Variants in CDYL2 observed in about 807,000 individuals in gnomAD.
CDYL2 encodes the protein chromodomain Y like 2.
CDYL2 carries 23 observed loss-of-function variants against 49.4 expected under a neutral mutation model. That is an observed-to-expected ratio of 0.47 (90% CI 0.34 to 0.66). The LOEUF is 0.66. CDYL2 is among the 30% of genes least tolerant of loss of function. The probability of loss-of-function intolerance (pLI) is 0.01; values close to 1 mark genes in which losing one functional copy is unlikely to be tolerated. For synonymous variants in CDYL2, 360 were observed against 268.8 expected, an observed-to-expected ratio of 1.34 and a Z score of -3.32; for missense variants, 678 against 656.4, an observed-to-expected ratio of 1.03 and a Z score of -0.36.
chr16:80,669,824 G>C (rs1035581972), intron 2 of CDYL2, among the ~76,000 whole-genome samples: 5 of 152,180 alleles, frequency 3.3e-5, no homozygotes, highest in African/African-American at 9.7e-5. Context: ...TGCACACATG[G>C]GCTGTGGTGA....
intron 1 of CDYL2, among the ~76,000 whole-genome samples, chr16:80,717,073 G>T (rs1904833332): frequency 6.6e-6 from 1 of 150,478 alleles, no homozygotes; most frequent in Non-Finnish European, 1.5e-5. Context: ...TGATTAAATG[G>T]ATAAATGGAT....
chr16:80,606,830 T>C (rs1195084570), intron 6 of CDYL2, among the ~76,000 whole-genome samples: 1 of 151,550 alleles, frequency 6.6e-6, no homozygotes, highest in Non-Finnish European at 1.5e-5. Context: ...ATAAGGGGTT[T>C]CCCCTTTCAC....
chr16:80,702,444 G>A (rs914741713), intron 1 of CDYL2, among the ~76,000 whole-genome samples: 1 of 152,088 alleles, frequency 6.6e-6, no homozygotes, highest in African/African-American at 2.4e-5. Flanking sequence ...AAGATCTCAG[G>A]AATATCATTA....
At chr16:80,640,756 A>C (rs1597142365) in intron 2 of CDYL2, among the ~76,000 whole-genome samples, 1 of 152,188 alleles carries the variant, frequency 6.6e-6, no homozygotes, top group African/African-American at 2.4e-5. Context: ...AGATTGAAAT[A>C]ATTAAAAAGA....
At chr16:80,639,271 C>G (rs1301047289) in intron 2 of CDYL2, among the ~76,000 whole-genome samples, 1 of 152,172 alleles carries the variant, frequency 6.6e-6, no homozygotes, top group Non-Finnish European at 1.5e-5. Flanking sequence ...GATGGCACAG[C>G]TACTTTGTAA....
At chr16:80,790,202 T>G (rs1907565955) in intron 1 of CDYL2, among the ~76,000 whole-genome samples, 2 of 152,204 alleles carry the variant, frequency 1.3e-5, no homozygotes, top group African/African-American at 4.8e-5. Context: ...ACACAGCAAT[T>G]CATTAAGTCA....
At chr16:80,712,185 G>GTATATATATATATATATATA (rs1032871818) in intron 1 of CDYL2, among the ~76,000 whole-genome samples, 1 of 15,566 alleles carries the variant, frequency 6.4e-5, no homozygotes. Flanking sequence ...CTTTGTGTCT[G>GTATATATATATATATATATA]TGTGTGTATA....
At chr16:80,668,571 A>G (rs1909368159) in intron 2 of CDYL2, among the ~76,000 whole-genome samples, 4 of 152,044 alleles carry the variant, frequency 2.6e-5, no homozygotes, top group Non-Finnish European at 5.9e-5. Context: ...AGGAAACATT[A>G]ACAGAAGTCA....
chr16:80,620,752 G>A lies in CDYL2; in HGVS notation c.1007+11C>T, dbSNP rs78040783. The A allele has an allele frequency of 7.3e-4, 1,156 of 1,577,784 alleles. 5 individuals carry two copies. In the African/African-American group the frequency reaches 0.011, roughly 15 times the overall value. On this transcript the variant is annotated intron_variant, in intron 4 of 6. Coordinates refer to ENST00000570137, the MANE Select transcript of CDYL2 (RefSeq NM_152342.4). ...AGGACCCCAGGGTGTGTGAAAAGGA[G>A]CACAGCTCACCTGATGGCTTCTGCA...
chr16:80,750,545 A>C (rs2142562438), intron 1 of CDYL2, among the ~76,000 whole-genome samples: 2 of 152,274 alleles, frequency 1.3e-5, no homozygotes, highest in African/African-American at 4.8e-5. Context: ...CAACAAATAA[A>C]CTTGGCAAAT....
At chr16:80,734,249 G>A (rs918012640) in intron 1 of CDYL2, among the ~76,000 whole-genome samples, 1 of 152,140 alleles carries the variant, frequency 6.6e-6, no homozygotes. Context: ...TCCTGGTTGG[G>A]GGCCGGGGAA....
intron 1 of CDYL2, among the ~76,000 whole-genome samples, chr16:80,753,244 T>C (rs1172152498): frequency 6.7e-6 from 1 of 150,274 alleles, no homozygotes; most frequent in Non-Finnish European, 1.5e-5. Context: ...TTCCGAGAAA[T>C]GGTAAATTCC....
At chr16:80,708,508 C>T (rs183768550) in intron 1 of CDYL2, among the ~76,000 whole-genome samples, 5 of 152,256 alleles carry the variant, frequency 3.3e-5, no homozygotes, top group East Asian at 3.9e-4. Flanking sequence ...CTCGGGTAGG[C>T]TTTACTAGCA....
At chr16:80,776,230 G>A (rs1013061659) in intron 1 of CDYL2, among the ~76,000 whole-genome samples, 2 of 151,952 alleles carry the variant, frequency 1.3e-5, no homozygotes, top group Non-Finnish European at 2.9e-5. Flanking sequence ...AACATCAAAC[G>A]TGAAAATAAG....
chr16:80,702,974 C>A (rs1316641446), intron 1 of CDYL2, among the ~76,000 whole-genome samples: 1 of 152,068 alleles, frequency 6.6e-6, no homozygotes, highest in African/African-American at 2.4e-5. Context: ...AAGTCCATAA[C>A]TGATATAACT....
chr16:80,744,278 C>T (rs1905851166), intron 1 of CDYL2, among the ~76,000 whole-genome samples: 2 of 152,126 alleles, frequency 1.3e-5, no homozygotes, highest in Admixed American at 6.5e-5. Flanking sequence ...GCTCCCTAGG[C>T]CTGCTCCTCT....
chr16:80,605,499 T>G (rs116977794), intron 6 of CDYL2, among the ~76,000 whole-genome samples: 278 of 149,638 alleles, frequency 1.9e-3, no homozygotes, highest in Non-Finnish European at 2.4e-3. Flanking sequence ...ATAGTAATAA[T>G]AGTCACAACA....
At chr16:80,638,646 T>C (rs545099833) in intron 2 of CDYL2, among the ~76,000 whole-genome samples, 15 of 152,266 alleles carry the variant, frequency 9.9e-5, no homozygotes, top group East Asian at 3.9e-4. Context: ...TGGTATATGA[T>C]AGACGACCCA....
intron 2 of CDYL2, among the ~76,000 whole-genome samples, chr16:80,637,656 T>C (rs1006889357): frequency 7.3e-6 from 1 of 136,736 alleles, no homozygotes; most frequent in Non-Finnish European, 1.5e-5. Flanking sequence ...ACTTGATGTT[T>C]TTTAAAAAAA....
Sources: allele counts gnomAD v4.1 joint callset (sites outside exome capture counted in the v4.1 genomes callset), GRCh38; gene constraint gnomAD v4.1.1; transcripts MANE v1.5; gene names NCBI Gene and HGNC (gene_info 2026-07-23, HGNC 2026-07-21).